The following RNF157 variants were observed in gnomAD, a reference collection of about 807,000 sequenced individuals.
The protein encoded by RNF157 is ring finger protein 157.
RNF157 carries 55 observed loss-of-function variants against 88.3 expected under a neutral mutation model. The observed-to-expected ratio is 0.62, with a 90% CI of 0.50 to 0.78. RNF157 has a LOEUF of 0.78. Among genes scored for constraint, RNF157 ranks in the 30% least tolerant of loss-of-function variants. The pLI is 0.00. For missense variants in RNF157, 788 were observed against 860.8 expected (o/e 0.92, Z 1.06); for synonymous variants, 334 against 341.2 (o/e 0.98, Z 0.23).
intron 2 of RNF157, among the ~76,000 whole-genome samples, chr17:76,180,980 C>T (rs867632417): frequency 6.6e-6 from 1 of 151,908 alleles, no homozygotes; most frequent in South Asian, 2.1e-4. Context: ...ATACAGTAGC[C>T]GACTGAAAAA....
chr17:76,229,906 T>C (rs1205683532), intron 1 of RNF157, among the ~76,000 whole-genome samples: 1 of 152,016 alleles, frequency 6.6e-6, no homozygotes, highest in South Asian at 2.1e-4. Context: ...AAGGCTGGGG[T>C]TGGAGAACTT....
intron 2 of RNF157, among the ~76,000 whole-genome samples, chr17:76,206,391 A>G (rs919138431): frequency 2.0e-5 from 3 of 152,182 alleles, no homozygotes; most frequent in Non-Finnish European, 4.4e-5. Context: ...TAGGAAGGGA[A>G]GGGATGGTCT....
At chr17:76,152,539 T>C in intron 17 of RNF157, 74 bp from the exon 18 acceptor site, 2 of 879,414 alleles carry the variant, frequency 2.3e-6, no homozygotes, top group Non-Finnish European at 3.8e-6. Context: ...AAAATAAAAA[T>C]CTTAAGGATG....
At chr17:76,216,707 T>C (rs9896553) in intron 1 of RNF157, among the ~76,000 whole-genome samples, 73,610 of 151,790 alleles carry the variant, frequency 0.48, 18,486 homozygotes, top group African/African-American at 0.61. Flanking sequence ...CAATATATTA[T>C]AATTAGACCC....
At chr17:76,215,907 T>C (rs1304169238) in intron 1 of RNF157, among the ~76,000 whole-genome samples, 2 of 152,240 alleles carry the variant, frequency 1.3e-5, no homozygotes, top group East Asian at 3.8e-4. Flanking sequence ...AGCTTAATTA[T>C]CAATTATTTA....
At chr17:76,156,152 G>A in intron 14 of RNF157, 58 bp downstream of exon 14, 1 of 1,332,934 alleles carries the variant, frequency 7.5e-7, no homozygotes, top group Non-Finnish European at 1.1e-6. Context: ...GAAGCACCAG[G>A]ACACTGTGGG....
At position 76,193,396 on chromosome 17, in the gene RNF157, G is replaced by T. The variant is rs1043289845; in HGVS notation, c.207+18968C>A. Among the ~76,000 whole-genome samples the T allele has an allele frequency of 3.3e-5, 5 of 152,158 alleles. 1 individual carries two copies. In the East Asian group the frequency reaches 9.6e-4, roughly 29 times the overall value. ...TGCACAAATGAAATACAAGCAATTA[G>T]GTAAGTATCTCTTATCTACAAATCC... is the stretch of plus-strand genomic sequence containing the variant. On this transcript the variant is annotated intron_variant, in intron 2 of 18. Transcript: ENST00000269391.
intron 18 of RNF157, among the ~76,000 whole-genome samples, chr17:76,145,769 A>G (rs2068575825): frequency 6.6e-6 from 1 of 152,088 alleles, no homozygotes; most frequent in African/African-American, 2.4e-5. Context: ...AAGTGAGAAG[A>G]CTGTTCGTTC....
At chr17:76,187,490 T>G (rs927180032) in intron 2 of RNF157, among the ~76,000 whole-genome samples, 1 of 152,210 alleles carries the variant, frequency 6.6e-6, no homozygotes, top group Non-Finnish European at 1.5e-5. Context: ...GGCCAGGATT[T>G]TATTTTCTTT....
Position 76,161,595 on chromosome 17 carries a change from C to A in RNF157, c.1005G>T (p.Leu335Phe), listed in dbSNP as rs144531006. ...TGATGGGGTTAAAGCTGGTTGGGGA[C>A]AAGGGGCCCAATTTTTTCCTCATGG... Reference protein sequence around the residue: ...IRAMRKKLGPLSPTSFNPIIS... With the variant: ...IRAMRKKLGPFSPTSFNPIIS... The change falls in exon 11 of 19, where the codon TTG (leucine) becomes TTT (phenylalanine). Residue 335 changes from leucine (L) to phenylalanine (F), a missense_variant. Physicochemically the swap from Leu to Phe is conservative, Grantham distance 22. Coordinates refer to ENST00000269391, the MANE Select transcript of RNF157 (RefSeq NM_052916.3). The surrounding 1 kb of genome is among the most constrained non-coding windows in gnomAD (Gnocchi z 4.6). The A allele has an allele frequency of 2.9e-5, 47 of 1,614,102 alleles. No individual in the cohort carries two copies. Among genetic ancestry groups the A allele is most frequent in the East Asian group, 2.2e-4 (10 of 44,886 alleles).
chr17:76,224,715 G>A (rs2070048118), intron 1 of RNF157, among the ~76,000 whole-genome samples: 1 of 133,696 alleles, frequency 7.5e-6, no homozygotes. Flanking sequence ...TAGCTGATAA[G>A]CTTTAAAAAA....
chr17:76,178,743 G>C (rs2069143527), intron 2 of RNF157, among the ~76,000 whole-genome samples: 1 of 152,154 alleles, frequency 6.6e-6, no homozygotes, highest in African/African-American at 2.4e-5. Flanking sequence ...ATTTTTGCAG[G>C]TAAGAAAACA....
At chr17:76,190,781 C>G (rs563077427) in intron 2 of RNF157, among the ~76,000 whole-genome samples, 2 of 151,568 alleles carry the variant, frequency 1.3e-5, no homozygotes, top group South Asian at 4.2e-4. Context: ...GTGGCAGGCG[C>G]CCTGTAGTCC....
intron 2 of RNF157, among the ~76,000 whole-genome samples, chr17:76,189,386 T>A (rs1209304305): frequency 1.3e-5 from 2 of 152,150 alleles, no homozygotes; most frequent in East Asian, 3.9e-4. Flanking sequence ...GAGCTCAGGA[T>A]CTATGAGCAG....
rs891790833 is a variant in RNF157 at position 76,143,042 on chromosome 17, A to T, written c.*2193T>A. 6.6e-6 allele frequency: 1 copy of T among 152,268 alleles called. No individual in the cohort carries two copies. The highest frequency in any genetic ancestry group is 1.5e-5 in the Non-Finnish European group (1 of 68,060). The allele number at this position is 152,268 out of a possible 1,614,324, so 9.4% of individuals were successfully genotyped here. A position where few individuals can be genotyped will look rare whatever the true frequency, so the allele number is the denominator to read the frequency against. On this transcript the variant is annotated 3_prime_UTR_variant, in exon 19 of 19. Transcript: ENST00000269391. ...CCACTGACCTGTCCTCATCAGGCTG[A>T]CTGAGGACCAGCTCCTTGGATGGAG...
At position 76,145,203 on chromosome 17, in the gene RNF157, C is replaced by T; in HGVS notation, c.*32G>A. 2 of 1,416,412 alleles carry T rather than the reference C, an allele frequency of 1.4e-6. No individual in the cohort carries two copies. Among genetic ancestry groups the T allele is most frequent in the Non-Finnish European group, 2.0e-6 (2 of 1,007,454 alleles). The allele number at this position is 1,416,412 out of a possible 1,614,324, so 87.7% of individuals were successfully genotyped here. A position where few individuals can be genotyped will look rare whatever the true frequency, so the allele number is the denominator to read the frequency against. On this transcript the variant is annotated 3_prime_UTR_variant, in exon 19 of 19. Coordinates refer to ENST00000269391, the MANE Select transcript of RNF157 (RefSeq NM_052916.3). The stretch of plus-strand genomic sequence containing the variant: ...GAGTGAGGATGGATGGAATGCAGGG[C>T]AGGAGGGGAGCCCAAGTGCAGAGGC...
At chr17:76,193,180 C>T (rs1023311242) in intron 2 of RNF157, among the ~76,000 whole-genome samples, 1 of 152,114 alleles carries the variant, frequency 6.6e-6, no homozygotes, top group African/African-American at 2.4e-5. Context: ...CATCAATGTC[C>T]TTATCTGTAA....
At chr17:76,226,185 T>A (rs1296415338) in intron 1 of RNF157, 1 of 1,609,806 alleles carries the variant, frequency 6.2e-7, no homozygotes, top group Non-Finnish European at 8.5e-7. Flanking sequence ...TCCTCCTTTA[T>A]GCACTGAGGG....
chr17:76,181,162 C>A (rs1341746925), intron 2 of RNF157, among the ~76,000 whole-genome samples: 2 of 152,178 alleles, frequency 1.3e-5, no homozygotes, highest in Admixed American at 6.5e-5. Context: ...TACTGTAGGG[C>A]AAGTCTACAG....
Sources: gnomAD v4.1 joint callset for allele counts (sites outside exome capture counted in the v4.1 genomes callset) on GRCh38, gnomAD v4.1.1 for gene constraint, Gnocchi (gnomAD v3.1) non-coding constraint, MANE v1.5 for transcripts, NCBI Gene and HGNC (gene_info 2026-07-23, HGNC 2026-07-21) for gene names.